The following SNTG1 variants were observed in gnomAD, a reference collection of about 807,000 sequenced individuals.
The protein encoded by SNTG1 is syntrophin gamma 1.
Under a neutral mutation model 74.7 loss-of-function variants are expected in SNTG1, and 39 were observed. The ratio of observed to expected loss-of-function variants is 0.52; its 90% CI spans 0.40 to 0.68. The LOEUF is 0.68. Among genes scored for constraint, SNTG1 ranks in the 30% least tolerant of loss-of-function variants. SNTG1 has a pLI of 0.00. For synonymous variants in SNTG1, 254 were observed against 217.1 expected (o/e 1.17, Z -1.49); for missense variants, 685 against 609.5 (o/e 1.12, Z -1.30).
chr8:50,466,234 CTTATA>C (rs977605202), intron 8 of SNTG1, among the ~76,000 whole-genome samples: 5 of 151,886 alleles, frequency 3.3e-5, no homozygotes, highest in East Asian at 1.9e-4. Flanking sequence ...AGGGGTAACA[CTTATA>C]TTTAATTTAA....
Position 50,179,129 on chromosome 8 carries a change from T to G in SNTG1, c.-28+6494T>G, listed in dbSNP as rs10095854. On this transcript the variant is annotated intron_variant, in intron 2 of 18. Coordinates refer to ENST00000642720, the MANE Select transcript of SNTG1 (RefSeq NM_018967.5). Reference sequence around the variant, plus strand: ...ATTAGTTGACCATGTATGCTTGGGTTGATTTTTGGGCTCTCTACTCTGTTC... The same window carrying G: ...ATTAGTTGACCATGTATGCTTGGGTGGATTTTTGGGCTCTCTACTCTGTTC... Among the ~76,000 whole-genome samples, 626 of 152,304 alleles carry G rather than the reference T, an allele frequency of 4.1e-3. 3 individuals carry two copies. The highest frequency in any genetic ancestry group is 0.015 in the African/African-American group (604 of 41,576).
At chr8:49,931,520 C>T (rs1411946746) in intron 1 of SNTG1, among the ~76,000 whole-genome samples, 2 of 152,144 alleles carry the variant, frequency 1.3e-5, no homozygotes, top group Admixed American at 1.3e-4. Context: ...TATACCCATG[C>T]AGCAAACCTG....
At chr8:50,028,605 G>C (rs1271141459) in intron 1 of SNTG1, among the ~76,000 whole-genome samples, 1 of 151,524 alleles carries the variant, frequency 6.6e-6, no homozygotes. Flanking sequence ...TTTTGGGAGG[G>C]GGGAGGGATA....
chr8:50,418,383 G>A (rs973284208), intron 4 of SNTG1, among the ~76,000 whole-genome samples: 5 of 151,896 alleles, frequency 3.3e-5, no homozygotes, highest in Non-Finnish European at 5.9e-5. Flanking sequence ...CAATCTCTAA[G>A]CAACTTAGAG....
chr8:50,462,485 G>C (rs1331940193), intron 8 of SNTG1, among the ~76,000 whole-genome samples: 1 of 148,732 alleles, frequency 6.7e-6, no homozygotes, highest in Non-Finnish European at 1.5e-5. Context: ...ATAGAACAAT[G>C]AAATTTGCCA....
intron 13 of SNTG1, among the ~76,000 whole-genome samples, chr8:50,627,888 C>A (rs1444539151): frequency 6.6e-6 from 1 of 152,116 alleles, no homozygotes; most frequent in East Asian, 1.9e-4. Flanking sequence ...CTTTTGAGTT[C>A]TTATGGAGAC....
chr8:50,552,257 T>C (rs919777406), intron 11 of SNTG1, among the ~76,000 whole-genome samples: 1 of 152,174 alleles, frequency 6.6e-6, no homozygotes, highest in African/African-American at 2.4e-5. Flanking sequence ...TATCTAAACA[T>C]TGCAATATCT....
chr8:50,069,142 T>C (rs1037884779), intron 1 of SNTG1, among the ~76,000 whole-genome samples: 5 of 152,300 alleles, frequency 3.3e-5, no homozygotes, highest in Middle Eastern at 3.4e-3. Context: ...AAGGAAAATG[T>C]ATATAAATTA....
chr8:49,971,173 G>A (rs1404815504), intron 1 of SNTG1, among the ~76,000 whole-genome samples: 2 of 152,124 alleles, frequency 1.3e-5, no homozygotes, highest in African/African-American at 4.8e-5. Flanking sequence ...TATTCACCAT[G>A]ATCAAGAGGG....
intron 8 of SNTG1, among the ~76,000 whole-genome samples, chr8:50,469,563 A>C (rs1041897629): frequency 6.6e-6 from 1 of 150,682 alleles, no homozygotes; most frequent in African/African-American, 2.4e-5. Flanking sequence ...GCCAGCCCCC[A>C]CTCCCCCACT....
chr8:50,789,213 T>C (rs2095684467), intron 18 of SNTG1, among the ~76,000 whole-genome samples: 1 of 151,986 alleles, frequency 6.6e-6, no homozygotes, highest in African/African-American at 2.4e-5. Flanking sequence ...TTGTAAAGGA[T>C]TAAAATGGCC....
intron 12 of SNTG1, among the ~76,000 whole-genome samples, chr8:50,570,421 G>A (rs1170119652): frequency 4.0e-5 from 6 of 148,194 alleles, no homozygotes; most frequent in African/African-American, 1.5e-4. Flanking sequence ...ACCACACCCA[G>A]CTAATTTTTC....
chr8:50,718,078 T>C (rs2095479124), intron 17 of SNTG1, among the ~76,000 whole-genome samples: 1 of 152,166 alleles, frequency 6.6e-6, no homozygotes, highest in African/African-American at 2.4e-5. Flanking sequence ...AAATGGTTCT[T>C]AGCAAAGAGA....
At chr8:50,356,171 A>G (rs1334303154) in intron 2 of SNTG1, among the ~76,000 whole-genome samples, 3 of 151,944 alleles carry the variant, frequency 2.0e-5, no homozygotes, top group Admixed American at 6.6e-5. Context: ...TGGGGTCTAT[A>G]GAGGGATAGA....
At chr8:50,640,721 G>T (rs1453640858) in intron 13 of SNTG1, among the ~76,000 whole-genome samples, 3 of 152,012 alleles carry the variant, frequency 2.0e-5, no homozygotes, top group Non-Finnish European at 4.4e-5. Flanking sequence ...CTCTTGATCT[G>T]CTCTTCTTTG....
At chr8:50,523,830 C>A (rs1467540598) in intron 9 of SNTG1, among the ~76,000 whole-genome samples, 2 of 152,136 alleles carry the variant, frequency 1.3e-5, no homozygotes, top group Non-Finnish European at 2.9e-5. Context: ...TGACATAAAC[C>A]TTCAATTTGT....
intron 17 of SNTG1, among the ~76,000 whole-genome samples, chr8:50,727,169 G>T (rs939231308): frequency 5.3e-5 from 8 of 152,030 alleles, no homozygotes; most frequent in African/African-American, 1.9e-4. Flanking sequence ...GAGGTGTGTG[G>T]GAATTAGAAT....
chr8:50,566,447 T>C (rs1449235919), intron 12 of SNTG1, among the ~76,000 whole-genome samples: 1 of 152,154 alleles, frequency 6.6e-6, no homozygotes, highest in South Asian at 2.1e-4. Flanking sequence ...AGAAGTCTGG[T>C]CTTTTATAAG....
intron 1 of SNTG1, among the ~76,000 whole-genome samples, chr8:49,922,621 A>C (rs1378143352): frequency 6.6e-6 from 1 of 152,126 alleles, no homozygotes; most frequent in Non-Finnish European, 1.5e-5. Context: ...TAAAAGCTGT[A>C]GATAATGCTG....
Sources: gnomAD v4.1 joint callset for allele counts (sites outside exome capture counted in the v4.1 genomes callset) on GRCh38, gnomAD v4.1.1 for gene constraint, MANE v1.5 for transcripts, NCBI Gene and HGNC (gene_info 2026-07-23, HGNC 2026-07-21) for gene names.